Variants in ZNF235 observed in about 807,000 individuals in gnomAD.
The protein encoded by ZNF235 is zfp-93.
ZNF235 carries 25 observed loss-of-function variants against 29.4 expected under a neutral mutation model. That is an observed-to-expected ratio of 0.85 (90% CI 0.62 to 1.19). The LOEUF (loss-of-function observed/expected upper bound fraction) is 1.19. Among genes scored for constraint, ZNF235 ranks in the 50% most tolerant of loss-of-function variants. ZNF235 has a pLI of 0.00. For missense variants in ZNF235, 788 were observed against 885.0 expected (o/e 0.89, Z 1.39); for synonymous variants, 300 against 295.3 (o/e 1.02, Z -0.16).
intron 4 of ZNF235, 137 bp downstream of exon 4, chr19:44,298,671 G>C (rs1975688243): frequency 4.8e-6 from 3 of 631,346 alleles, no homozygotes; most frequent in Non-Finnish European, 8.1e-6. Context: ...GCTGGGATTA[G>C]AGGCTTGAGC....
intron 2 of ZNF235, among the ~76,000 whole-genome samples, chr19:44,302,987 T>TGTAC (rs1568647665): frequency 3.7e-5 from 5 of 133,394 alleles, no homozygotes; most frequent in Non-Finnish European, 7.7e-5. Flanking sequence ...TATATTTATA[T>TGTAC]ATAAATATAT....
At chr19:44,298,771 C>T in intron 4 of ZNF235, 37 bp downstream of exon 4, 2 of 1,418,152 alleles carry the variant, frequency 1.4e-6, no homozygotes, top group East Asian at 2.3e-5. Flanking sequence ...GGAAAAATAA[C>T]AGCTGTTAAC....
In ZNF235 at chr19:44,299,651, A is replaced by C. The variant is rs575298687; in HGVS notation, c.97T>G (p.Tyr33Asp). 6.2e-7 allele frequency: 1 copy of C among 1,614,174 alleles called. No individual in the cohort carries two copies. The highest frequency in any genetic ancestry group is 1.1e-5 in the South Asian group (1 of 91,084). Residue 33 changes from tyrosine (Y) to aspartate (D), a missense_variant, in exon 3 of 5, where the codon TAC becomes GAC. Tyr to Asp is a radical substitution (Grantham distance 160, BLOSUM62 -3). Coordinates refer to ENST00000291182, the MANE Select transcript of ZNF235 (RefSeq NM_004234.4). ...GLLDSAQRKLYRDVMLENFRN... is the reference protein window; with the variant it reads ...GLLDSAQRKLDRDVMLENFRN... ...AAGTTCTCCAGCATCACATCTCGGT[A>C]CAGCTTCCTCTGGGCAGAGTCCAGC...
intron 2 of ZNF235, among the ~76,000 whole-genome samples, chr19:44,301,004 A>AT (rs760655055): frequency 1.5e-3 from 228 of 148,740 alleles, no homozygotes; most frequent in Admixed American, 3.3e-3. Flanking sequence ...AAAACTGGAC[A>AT]TTTTTTTTTT....
chr19:44,297,059 A>C (rs956923434), intron 4 of ZNF235: 1 of 152,270 alleles, frequency 6.6e-6, no homozygotes, highest in East Asian at 1.9e-4. Context: ...TTATACCTTA[A>C]GGAAATGAAA....
At chr19:44,300,258 A>G (rs182337082) in intron 2 of ZNF235, among the ~76,000 whole-genome samples, 180 of 152,306 alleles carry the variant, frequency 1.2e-3, no homozygotes, top group African/African-American at 4.2e-3. Context: ...AAGAGGACCT[A>G]TATCATAGGG....
At position 44,287,279 on chromosome 19, in the gene ZNF235, C is replaced by A; in HGVS notation, c.2156G>T (p.Gly719Val). 4 of 1,613,044 alleles carry A rather than the reference C, an allele frequency of 2.5e-6. No homozygotes were observed. Among genetic ancestry groups the A allele is most frequent in the Non-Finnish European group, 3.4e-6 (4 of 1,179,296 alleles). ...GATGAGATGTGACCTCTGACTGAAG[C>A]CCTTACAACAGACATCACATATGTA... ...RPYICDVCCK[G>V]FSQRSHLIYH... Residue 719 changes from glycine to valine, a missense_variant, in exon 5 of 5, where the codon GGC becomes GTC. Coordinates refer to ENST00000291182, the MANE Select transcript of ZNF235 (RefSeq NM_004234.4).
At chr19:44,294,807 T>C (rs1398735022) in intron 4 of ZNF235, among the ~76,000 whole-genome samples, 2 of 152,056 alleles carry the variant, frequency 1.3e-5, no homozygotes, top group Non-Finnish European at 2.9e-5. Flanking sequence ...TAAATGTGAT[T>C]CAGCCTATAA....
In ZNF235 at chr19:44,286,700, A is replaced by G. The variant is rs1975490086; in HGVS notation, c.*518T>C. 1 of 152,376 alleles carries G rather than the reference A, an allele frequency of 6.6e-6. No homozygotes were observed. Among genetic ancestry groups the G allele is most frequent in the Non-Finnish European group, 1.5e-5 (1 of 68,160 alleles). 9.4% of individuals were successfully genotyped at this position (152,376 alleles called of 1,614,324 possible). A position where few individuals can be genotyped will look rare whatever the true frequency, so the allele number is the denominator to read the frequency against. On this transcript the variant is annotated 3_prime_UTR_variant, in exon 5 of 5. Coordinates refer to ENST00000291182, the MANE Select transcript of ZNF235 (RefSeq NM_004234.4). ...TTTGAATATAAATTAATATAAATTT[A>G]GAGTAGAAAACAGACTAGAATTTTC...
In ZNF235 at chr19:44,298,433, A is replaced by G. The variant is rs1401879948; in HGVS notation, c.238+375T>C. On this transcript the variant is annotated intron_variant, in intron 4 of 4. Coordinates refer to ENST00000291182, the MANE Select transcript of ZNF235 (RefSeq NM_004234.4). ...TTTTCCTGAGACAGAGTCTCGCTCT[A>G]TCACCCAGGTTGCAATGCAGTAGCA... Among the ~76,000 whole-genome samples, 5 of 150,918 alleles carry G rather than the reference A, an allele frequency of 3.3e-5. No homozygotes were observed. The East Asian group carries it at 9.8e-4, about 29-fold the overall frequency.
chr19:44,289,418 G>A, intron 4 of ZNF235: 1 of 497,934 alleles, frequency 2.0e-6, no homozygotes, highest in South Asian at 3.1e-5. Context: ...TCAGCCCAGG[G>A]TATGGTTAAG....
At chr19:44,302,163 CTGTG>C (rs1017112117) in intron 2 of ZNF235, among the ~76,000 whole-genome samples, 5 of 152,006 alleles carry the variant, frequency 3.3e-5, no homozygotes, top group African/African-American at 1.2e-4. Flanking sequence ...AAATGAGGTG[CTGTG>C]TATGAGAAAA....
At position 44,287,867 on chromosome 19, in the gene ZNF235, C is replaced by G. The variant is rs762562632; in HGVS notation, c.1568G>C (p.Gly523Ala). ...KPFRCNVCGK[G>A]FSQSSYFQAH... Reference sequence around the variant, plus strand: ...TTGAAAGTATGAACTCTGACTGAAGCCTTTCCCACACACGTTGCATCGAAA... The same window carrying G: ...TTGAAAGTATGAACTCTGACTGAAGGCTTTCCCACACACGTTGCATCGAAA... Residue 523 changes from glycine to alanine, a missense_variant, in exon 5 of 5, where the codon GGC becomes GCC. Transcript: ENST00000291182. 1.4e-5 allele frequency: 22 copies of G among 1,613,850 alleles called. No homozygotes were observed. The highest frequency in any genetic ancestry group is 1.8e-5 in the Non-Finnish European group (21 of 1,180,008).
At position 44,287,830 on chromosome 19, in the gene ZNF235, T is replaced by G; in HGVS notation, c.1605A>C (p.Arg535Ser). 2 of 1,614,120 alleles carry G rather than the reference T, an allele frequency of 1.2e-6. No individual in the cohort carries two copies. Among genetic ancestry groups the G allele is most frequent in the Non-Finnish European group, 1.7e-6 (2 of 1,180,028 alleles). ...TGTATGGTTTTTCTCCAGTGTGGAC[T>G]CTCTGATGTGCTTGAAAGTATGAAC... ...SQSSYFQAHQ[R>S]VHTGEKPYKC... Residue 535 changes from arginine to serine, a missense_variant, in exon 5 of 5, where the codon AGA (arginine) becomes AGC (serine). Coordinates refer to ENST00000291182, the MANE Select transcript of ZNF235 (RefSeq NM_004234.4).
chr19:44,300,030 T>C (rs745779485), intron 2 of ZNF235, among the ~76,000 whole-genome samples: 3 of 152,202 alleles, frequency 2.0e-5, no homozygotes, highest in Non-Finnish European at 4.4e-5. Flanking sequence ...TACCACTATT[T>C]TGTCAATCCA....
chr19:44,302,371 C>A (rs1975750447), intron 2 of ZNF235, among the ~76,000 whole-genome samples: 1 of 151,868 alleles, frequency 6.6e-6, no homozygotes, highest in South Asian at 2.1e-4. Context: ...ATTTAAAAAG[C>A]AGGTGATATA....
intron 2 of ZNF235, among the ~76,000 whole-genome samples, chr19:44,302,664 A>G (rs1975754034): frequency 6.6e-6 from 1 of 150,896 alleles, no homozygotes; most frequent in Non-Finnish European, 1.5e-5. Flanking sequence ...CTAAGGTGGG[A>G]GGATCTCTTG....
At chr19:44,303,576 T>A (rs1975787070) in intron 1 of ZNF235, 124 bp from the exon 2 acceptor site, 2 of 770,898 alleles carry the variant, frequency 2.6e-6, no homozygotes, top group East Asian at 6.3e-5. Flanking sequence ...CACGGCTTAG[T>A]GAGGAGAACG....
rs1357902853 is a variant in ZNF235, at chr19:44,288,985, T to C, written c.450A>G (p.Gln150=). ...PCQVGAGESI[Q]ASVDDNCLVN... ...CTAGACAGTTGTCATCCACAGAAGC[T>C]TGAATAGATTCTCCTGCTCCCACTT... The change falls in exon 5 of 5, where the codon CAA becomes CAG. Residue 150 remains glutamine (Q), a synonymous_variant. Transcript: ENST00000291182. 8 of 1,614,000 alleles carry C rather than the reference T, an allele frequency of 5.0e-6. No homozygotes were observed. In the South Asian group the frequency reaches 5.5e-5, roughly 11 times the overall value.
Sources: gnomAD v4.1 joint callset for allele counts (sites outside exome capture counted in the v4.1 genomes callset) on GRCh38, gnomAD v4.1.1 for gene constraint, MANE v1.5 for transcripts, NCBI Gene and HGNC (gene_info 2026-07-23, HGNC 2026-07-21) for gene names.